The following DGKE variants were observed in gnomAD, a reference collection of about 807,000 sequenced individuals.
The protein encoded by DGKE is DAG kinase epsilon.
In DGKE, 53 loss-of-function variants were observed where a neutral mutation model predicts 70.0. The observed-to-expected ratio is 0.76, with a 90% confidence interval of 0.61 to 0.95. The LOEUF (loss-of-function observed/expected upper bound fraction) is 0.95. Ranked by LOEUF, DGKE falls within the 40% of genes least tolerant of loss-of-function variation. The pLI, the probability that DGKE is intolerant of heterozygous loss-of-function variation, is 0.00. For missense variants in DGKE, 655 were observed against 706.9 expected, an observed-to-expected ratio of 0.93 and a Z score of 0.83; for synonymous variants, 291 against 257.0, an observed-to-expected ratio of 1.13 and a Z score of -1.27.
chr17:56,846,539 A>G (rs1273929726), intron 4 of DGKE, among the ~76,000 whole-genome samples: 1 of 152,216 alleles, frequency 6.6e-6, no homozygotes, highest in African/African-American at 2.4e-5. Context: ...TTCACTTCAA[A>G]TGGGTGAATC....
chr17:56,848,152 T>G (rs1598030931), intron 5 of DGKE, 87 bp downstream of exon 5: 2 of 813,858 alleles, frequency 2.5e-6, no homozygotes, highest in East Asian at 5.7e-5. Flanking sequence ...TGTTGTTGTT[T>G]TGTTGTTGTT....
At chr17:56,860,858 G>A (rs1201377010) in intron 9 of DGKE, among the ~76,000 whole-genome samples, 2 of 152,152 alleles carry the variant, frequency 1.3e-5, no homozygotes, top group Non-Finnish European at 2.9e-5. Flanking sequence ...AAGCGCTGAG[G>A]CTAGAGAGAT....
In DGKE at chr17:56,865,678, C is replaced by G. The variant is rs907536988; in HGVS notation, c.*2887C>G. ...GTATGTCAAAAACATATAGTGTTTG[C>G]TTTGTGAAATACATTTGCTTAGAGT... is the stretch of plus-strand genomic sequence containing the variant. On this transcript the variant is annotated 3_prime_UTR_variant, in exon 12 of 12. Transcript: ENST00000284061. 6.6e-6 allele frequency: 1 copy of G among 151,836 alleles called. No homozygotes were observed. The highest frequency in any genetic ancestry group is 2.4e-5 in the African/African-American group (1 of 41,324). 9.4% of individuals were successfully genotyped at this position (151,836 alleles called of 1,614,324 possible).
At chr17:56,847,718 A>G in intron 4 of DGKE, 1 of 272,850 alleles carries the variant, frequency 3.7e-6, no homozygotes, top group Non-Finnish European at 6.8e-6. Context: ...CAATAGAATG[A>G]GGCTAACTCT....
rs1181553162 is a variant in DGKE at position 56,844,292 on chromosome 17, T to G, written c.624+114T>G. 5 of 666,326 alleles carry G rather than the reference T, an allele frequency of 7.5e-6. No homozygotes were observed. The Admixed American group carries it at 1.7e-4, about 23-fold the overall frequency. 41.3% of individuals were successfully genotyped at this position (666,326 alleles called of 1,614,324 possible). On this transcript the variant is annotated intron_variant, in intron 3 of 11. Transcript: ENST00000284061. ...AATTGGTGCCAGGAATAAAATAAAC[T>G]TAAATAACAGATCAAGACCAAGGAG...
chr17:56,835,235 G>T lies in DGKE; in HGVS notation c.440G>T (p.Cys147Phe). The T allele has an allele frequency of 6.2e-7, 1 of 1,612,358 alleles. No individual in the cohort carries two copies. The highest frequency in any genetic ancestry group is 8.5e-7 in the Non-Finnish European group (1 of 1,179,608). ...ATGGTTTGCAAGCAGCAGTGTGGCTGTCAACCCAAGCTTTGCGATTACAGG... is the reference window on the plus strand; with the variant it reads ...ATGGTTTGCAAGCAGCAGTGTGGCTTTCAACCCAAGCTTTGCGATTACAGG... ...YCMVCKQQCGCQPKLCDYRCI... is the reference protein window; with the variant it reads ...YCMVCKQQCGFQPKLCDYRCI... Residue 147 changes from cysteine (C) to phenylalanine (F), a missense_variant, in exon 2 of 12, where the codon TGT becomes TTT. By Grantham distance (205) the Cys-to-Phe change is radical (BLOSUM62 -2). Transcript: ENST00000284061.
Position 56,853,328 on chromosome 17 carries a change from C to T in DGKE, c.1099-3184C>T, listed in dbSNP as rs140202054. 1.8e-4 allele frequency among the ~76,000 whole-genome samples: 28 copies of T among 152,214 alleles called. No individual in the cohort carries two copies. The East Asian group carries it at 5.2e-3, about 28-fold the overall frequency. On this transcript the variant is annotated intron_variant, in intron 7 of 11. Transcript: ENST00000284061. The stretch of plus-strand genomic sequence containing the variant: ...TTTTGTCTATTTTTACTTTTATTGC[C>T]TATGCTTTTGAGATCATATCAAACA...
At chr17:56,839,114 A>G (rs893353367) in intron 2 of DGKE, among the ~76,000 whole-genome samples, 7 of 152,336 alleles carry the variant, frequency 4.6e-5, no homozygotes, top group African/African-American at 1.4e-4. Context: ...CTTTTAGAAT[A>G]TATTTGCTAA....
intron 10 of DGKE, 59 bp from the exon 11 acceptor site, chr17:56,862,081 C>T (rs1366914839): frequency 1.3e-6 from 2 of 1,584,906 alleles, no homozygotes; most frequent in South Asian, 1.1e-5. Context: ...AGTAATTGCT[C>T]TAGCATAACT....
chr17:56,838,224 TA>T (rs552245521), intron 2 of DGKE, among the ~76,000 whole-genome samples: 148 of 152,328 alleles, frequency 9.7e-4, no homozygotes, highest in African/African-American at 3.5e-3. Context: ...AGAAGGCAGT[TA>T]GATTGGCCTC....
At chr17:56,858,071 C>CAA (rs11449627) in intron 8 of DGKE, among the ~76,000 whole-genome samples, 265 of 99,896 alleles carry the variant, frequency 2.7e-3, no homozygotes, top group East Asian at 6.7e-3. Flanking sequence ...GACTCCATCT[C>CAA]AAAAAAAAAA....
Position 56,852,391 on chromosome 17 carries a change from C to T in DGKE, c.1098+3159C>T, listed in dbSNP as rs1035187267. Among the ~76,000 whole-genome samples the T allele has an allele frequency of 8.3e-5, 12 of 144,410 alleles. No homozygotes were observed. In the South Asian group the frequency reaches 8.9e-4, roughly 11 times the overall value. The allele number at this position is 144,410 out of a possible 152,430, so 94.7% of individuals were successfully genotyped here. A position where few individuals can be genotyped will look rare whatever the true frequency, so the allele number is the denominator to read the frequency against. ...TCACGCCACTGTACTCTACCCTGGG[C>T]GACAGAGCAAGACTCTGTCTCAAAA... is the stretch of plus-strand genomic sequence containing the variant. On this transcript the variant is annotated intron_variant, in intron 7 of 11. Transcript: ENST00000284061.
Position 56,867,336 on chromosome 17 carries a change from C to T in DGKE, c.*4545C>T, listed in dbSNP as rs1203583221. 3 of 152,210 alleles carry T rather than the reference C, an allele frequency of 2.0e-5. No homozygotes were observed. Among genetic ancestry groups the T allele is most frequent in the East Asian group, 1.9e-4 (1 of 5,200 alleles). The allele number at this position is 152,210 out of a possible 1,614,324, so 9.4% of individuals were successfully genotyped here. A position where few individuals can be genotyped will look rare whatever the true frequency, so the allele number is the denominator to read the frequency against. On this transcript the variant is annotated 3_prime_UTR_variant, in exon 12 of 12. Coordinates refer to ENST00000284061, the MANE Select transcript of DGKE (RefSeq NM_003647.3). ...GCTGCTGAGGCTGGGCACGGTGGCT[C>T]ACACCTGTAATCCCAGCACTTGGGG...
At chr17:56,849,135 G>A (rs369002405) in intron 6 of DGKE, 46 bp from the exon 7 acceptor site, 11 of 1,547,210 alleles carry the variant, frequency 7.1e-6, no homozygotes, top group African/African-American at 1.4e-5. Flanking sequence ...CCAGAGTATG[G>A]GGTTTATTGT....
In DGKE at chr17:56,865,883, A is replaced by G. The variant is rs1908506169; in HGVS notation, c.*3092A>G. The G allele has an allele frequency of 6.6e-6, 1 of 152,120 alleles. No homozygotes were observed. Among genetic ancestry groups the G allele is most frequent in the Admixed American group, 6.5e-5 (1 of 15,274 alleles). The allele number at this position is 152,120 out of a possible 1,614,324, so 9.4% of individuals were successfully genotyped here. On this transcript the variant is annotated 3_prime_UTR_variant, in exon 12 of 12. Coordinates refer to ENST00000284061, the MANE Select transcript of DGKE (RefSeq NM_003647.3). The stretch of plus-strand genomic sequence containing the variant: ...AAACTTTAAAGGTTATACTAATTTA[A>G]TGATTAATGTGGACCCAAATACATA...
chr17:56,849,303 A>C, intron 7 of DGKE, 71 bp downstream of exon 7: 1 of 1,378,424 alleles, frequency 7.3e-7, no homozygotes. Flanking sequence ...CTGTGGTGGG[A>C]TACAGAGACC....
In DGKE at chr17:56,845,833, A is replaced by G. The variant is rs538755030; in HGVS notation, c.744+24A>G. 3.8e-6 allele frequency: 6 copies of G among 1,563,136 alleles called. No homozygotes were observed. The African/African-American group carries it at 4.2e-5, about 11-fold the overall frequency. On this transcript the variant is annotated intron_variant, in intron 4 of 11. Transcript: ENST00000284061. The stretch of plus-strand genomic sequence containing the variant: ...AGGTAACTAAAGAAAAAAACTTTTT[A>G]TATTAATGTTTTCATTTTCCCCAAA...
At chr17:56,849,363 T>C (rs958580677) in intron 7 of DGKE, 131 bp downstream of exon 7, 6 of 731,790 alleles carry the variant, frequency 8.2e-6, no homozygotes, top group Admixed American at 2.9e-5. Flanking sequence ...GAAGCTTATA[T>C]GCTTACCTCA....
intron 7 of DGKE, 42 bp downstream of exon 7, chr17:56,849,274 T>C: frequency 6.4e-7 from 1 of 1,563,166 alleles, no homozygotes; most frequent in Non-Finnish European, 8.8e-7. Context: ...TTCAGCTTCA[T>C]TGCACAAGAT....
Sources: gnomAD v4.1 joint callset for allele counts (sites outside exome capture counted in the v4.1 genomes callset) on GRCh38, gnomAD v4.1.1 for gene constraint, MANE v1.5 for transcripts, NCBI Gene and HGNC (gene_info 2026-07-23, HGNC 2026-07-21) for gene names.